The following CERS6 variants were observed in gnomAD, a reference collection of about 807,000 sequenced individuals.
The protein encoded by CERS6 is LAG1 homolog, ceramide synthase 6.
Under a neutral mutation model 56.8 loss-of-function variants are expected in CERS6, and 26 were observed. The ratio of observed to expected loss-of-function variants is 0.46; its 90% CI spans 0.34 to 0.63. The LOEUF (loss-of-function observed/expected upper bound fraction) is 0.63, where lower values mean the gene tolerates loss of function less well. Among genes scored for constraint, CERS6 ranks in the 30% least tolerant of loss-of-function variants. The pLI is 0.01. For missense variants in CERS6, 415 were observed against 467.5 expected (o/e 0.89, Z 1.04); for synonymous variants, 164 against 173.3 (o/e 0.95, Z 0.42).
rs114822920 is a variant in CERS6, at chr2:168,502,460, A to G, written c.171-45136A>G. Among the ~76,000 whole-genome samples, 566 of 152,262 alleles carry G rather than the reference A, an allele frequency of 3.7e-3. 2 individuals are homozygous for G. Among genetic ancestry groups the G allele is most frequent in the Middle Eastern group, 0.01 (3 of 294 alleles). On this transcript the variant is annotated intron_variant, in intron 1 of 9. Coordinates refer to ENST00000305747, the MANE Select transcript of CERS6 (RefSeq NM_203463.3). ...AAGAAGTCACTCACAGGTTATCGCT[A>G]AAGTGATAGCTTTGGCTGCTTCATC...
At chr2:168,467,004 G>GATTA (rs1693892891) in intron 1 of CERS6, among the ~76,000 whole-genome samples, 1 of 152,170 alleles carries the variant, frequency 6.6e-6, no homozygotes, top group Non-Finnish European at 1.5e-5. Flanking sequence ...CTGAAGCTGT[G>GATTA]ATTAAGATTG....
At chr2:168,642,901 T>C (rs965434608) in intron 4 of CERS6, among the ~76,000 whole-genome samples, 5 of 152,222 alleles carry the variant, frequency 3.3e-5, no homozygotes, top group African/African-American at 1.2e-4. Context: ...ACTTTGTGGA[T>C]GCATGTTCCT....
chr2:168,670,300 A>T (rs569475558), intron 4 of CERS6, among the ~76,000 whole-genome samples: 1 of 152,200 alleles, frequency 6.6e-6, no homozygotes, highest in East Asian at 1.9e-4. Context: ...TTTCCCTTTC[A>T]TTTTCCAACT....
chr2:168,637,515 A>C (rs1004572064), intron 4 of CERS6, among the ~76,000 whole-genome samples: 7 of 152,092 alleles, frequency 4.6e-5, no homozygotes, highest in African/African-American at 1.4e-4. Flanking sequence ...GGAACACTAA[A>C]TATGGATGTG....
chr2:168,721,636 A>C (rs896895418), intron 8 of CERS6, among the ~76,000 whole-genome samples: 31 of 150,038 alleles, frequency 2.1e-4, no homozygotes, highest in Admixed American at 2.0e-3. Context: ...AAAAAAAAAA[A>C]CCAACGGGGT....
intron 8 of CERS6, among the ~76,000 whole-genome samples, chr2:168,735,139 G>A (rs1374895557): frequency 2.0e-5 from 3 of 152,128 alleles, no homozygotes; most frequent in Admixed American, 6.6e-5. Context: ...CTAATCTTAT[G>A]TCTCACCCCT....
chr2:168,676,647 C>G (rs1178613512), intron 4 of CERS6, among the ~76,000 whole-genome samples: 2 of 152,160 alleles, frequency 1.3e-5, no homozygotes, highest in Admixed American at 6.5e-5. Flanking sequence ...TTCAGAAAAA[C>G]CACACGTTGT....
intron 4 of CERS6, among the ~76,000 whole-genome samples, chr2:168,672,620 G>A (rs957073252): frequency 6.6e-6 from 1 of 152,164 alleles, no homozygotes; most frequent in Non-Finnish European, 1.5e-5. Context: ...GAAATAACTT[G>A]AGATCACATT....
At chr2:168,626,887 T>C (rs1317483681) in intron 3 of CERS6, among the ~76,000 whole-genome samples, 8 of 152,162 alleles carry the variant, frequency 5.3e-5, no homozygotes, top group Admixed American at 5.2e-4. Flanking sequence ...TAAGCCAACA[T>C]TCCTCCCCTC....
chr2:168,768,694 T>C (rs528168234), intron 9 of CERS6, among the ~76,000 whole-genome samples: 1 of 151,748 alleles, frequency 6.6e-6, no homozygotes, highest in East Asian at 1.9e-4. Context: ...TCACCTGAGG[T>C]CAGGAGTTCC....
At chr2:168,701,717 T>C (rs1311663089) in intron 6 of CERS6, among the ~76,000 whole-genome samples, 1 of 152,054 alleles carries the variant, frequency 6.6e-6, no homozygotes, top group Non-Finnish European at 1.5e-5. Flanking sequence ...TAAAATGGTA[T>C]AGTATTTGGC....
intron 8 of CERS6, among the ~76,000 whole-genome samples, chr2:168,720,510 C>G (rs939989598): frequency 5.3e-5 from 8 of 152,128 alleles, no homozygotes; most frequent in Admixed American, 6.5e-5. Context: ...TTTGCTGCGT[C>G]CGTACGAGTC....
intron 1 of CERS6, among the ~76,000 whole-genome samples, chr2:168,501,751 G>A (rs2105345372): frequency 6.6e-6 from 1 of 152,312 alleles, no homozygotes; most frequent in East Asian, 1.9e-4. Flanking sequence ...GATAGGCACA[G>A]TGAAAATGCT....
chr2:168,631,100 GT>G (rs11347055), intron 4 of CERS6, 58 bp downstream of exon 4: 403,933 of 466,680 alleles, frequency 0.87, 170,609 homozygotes, highest in African/African-American at 0.95. Flanking sequence ...CTATATCCTG[GT>G]TTTTTTTTTT....
At chr2:168,505,708 G>A (rs1574029742) in intron 1 of CERS6, among the ~76,000 whole-genome samples, 1 of 152,280 alleles carries the variant, frequency 6.6e-6, no homozygotes, top group Non-Finnish European at 1.5e-5. Context: ...AAATTAATTT[G>A]TTAGAGGGAA....
At chr2:168,714,463 A>G (rs1687177444) in intron 6 of CERS6, among the ~76,000 whole-genome samples, 1 of 152,200 alleles carries the variant, frequency 6.6e-6, no homozygotes, top group Non-Finnish European at 1.5e-5. Context: ...AGCCCCAATC[A>G]TTAGTAGTCA....
intron 2 of CERS6, among the ~76,000 whole-genome samples, chr2:168,556,947 G>A (rs1695689677): frequency 7.4e-6 from 1 of 135,624 alleles, no homozygotes; most frequent in Non-Finnish European, 1.5e-5. Flanking sequence ...TTGAGTCCAG[G>A]AGTTTGAGAC....
At chr2:168,752,317 G>A (rs866892751) in intron 8 of CERS6, among the ~76,000 whole-genome samples, 50 of 142,194 alleles carry the variant, frequency 3.5e-4, no homozygotes, top group African/African-American at 1.4e-3. Context: ...GTGTGTGTGT[G>A]TATAGAGAGA....
chr2:168,766,255 C>T (rs529298994), intron 9 of CERS6: 1 of 1,489,902 alleles, frequency 6.7e-7, no homozygotes, highest in Admixed American at 1.7e-5. Context: ...AGAGCAGAGA[C>T]TTTTCCAGAT....
Sources: allele counts gnomAD v4.1 joint callset (sites outside exome capture counted in the v4.1 genomes callset), GRCh38; gene constraint gnomAD v4.1.1; transcripts MANE v1.5; gene names NCBI Gene and HGNC (gene_info 2026-07-23, HGNC 2026-07-21).